Variants in PTPRN2 observed in about 807,000 individuals in gnomAD.
PTPRN2 encodes the protein receptor-type tyrosine-protein phosphatase N2.
Under a neutral mutation model 118.8 loss-of-function variants are expected in PTPRN2, and 74 were observed. That is an observed-to-expected ratio of 0.62 (90% CI 0.52 to 0.76). The LOEUF (loss-of-function observed/expected upper bound fraction) is 0.76, where lower values mean the gene tolerates loss of function less well. Among genes scored for constraint, PTPRN2 ranks in the 30% least tolerant of loss-of-function variants. The pLI, the probability that PTPRN2 is intolerant of heterozygous loss-of-function variation, is 0.00. For synonymous variants in PTPRN2, 641 were observed against 608.0 expected (o/e 1.05, Z -0.80); for missense variants, 1,481 against 1,394.4 (o/e 1.06, Z -0.99).
chr7:158,074,955 G>A (rs909480982), intron 11 of PTPRN2, among the ~76,000 whole-genome samples: 3 of 152,202 alleles, frequency 2.0e-5, no homozygotes, highest in Non-Finnish European at 2.9e-5. Flanking sequence ...CAGTATCCCC[G>A]AGTGTCCCCC....
intron 13 of PTPRN2, among the ~76,000 whole-genome samples, chr7:157,661,059 C>T (rs1180608492): frequency 2.0e-5 from 3 of 152,194 alleles, no homozygotes; most frequent in Non-Finnish European, 4.4e-5. Flanking sequence ...GGGCCAAAGT[C>T]GCAGAATTTA....
At chr7:158,473,405 C>T (rs1017662972) in intron 2 of PTPRN2, among the ~76,000 whole-genome samples, 11 of 152,234 alleles carry the variant, frequency 7.2e-5, no homozygotes, top group East Asian at 1.9e-4. Context: ...GCTACATCCA[C>T]GCCCAGGACA....
intron 13 of PTPRN2, among the ~76,000 whole-genome samples, chr7:157,681,792 C>T (rs1665915867): frequency 6.6e-6 from 1 of 152,166 alleles, no homozygotes; most frequent in Non-Finnish European, 1.5e-5. Context: ...TTACATACGA[C>T]TGTAAAAATG....
chr7:158,120,248 T>A (rs1214148023), intron 9 of PTPRN2, among the ~76,000 whole-genome samples: 1 of 152,132 alleles, frequency 6.6e-6, no homozygotes, highest in Non-Finnish European at 1.5e-5. Context: ...TGAAAAGAGC[T>A]CTGGGGATGG....
chr7:157,998,833 A>C (rs965426704), intron 11 of PTPRN2, among the ~76,000 whole-genome samples: 14 of 151,920 alleles, frequency 9.2e-5, no homozygotes, highest in African/African-American at 3.1e-4. Flanking sequence ...AAAAAAAAAA[A>C]AAAACTCTAC....
intron 21 of PTPRN2, among the ~76,000 whole-genome samples, chr7:157,558,771 C>A (rs1212248964): frequency 6.6e-6 from 1 of 152,228 alleles, no homozygotes; most frequent in Non-Finnish European, 1.5e-5. Context: ...ACAGCCCAGG[C>A]TCTCCTCCCC....
intron 3 of PTPRN2, among the ~76,000 whole-genome samples, chr7:158,232,911 T>C (rs1167805557): frequency 6.6e-6 from 1 of 152,166 alleles, no homozygotes; most frequent in Non-Finnish European, 1.5e-5. Context: ...AAAATGGGTA[T>C]AGAAAGAACA....
intron 1 of PTPRN2, among the ~76,000 whole-genome samples, chr7:158,572,907 G>C (rs769824870): frequency 6.6e-6 from 1 of 152,332 alleles, no homozygotes; most frequent in Middle Eastern, 3.4e-3. Context: ...AAGCTTGCAA[G>C]TATGAGTTTA....
chr7:158,474,137 T>A (rs1283510124), intron 2 of PTPRN2, among the ~76,000 whole-genome samples: 4 of 152,198 alleles, frequency 2.6e-5, no homozygotes, highest in Non-Finnish European at 4.4e-5. Flanking sequence ...GCGGCCCCAC[T>A]GTGTCCCCTC....
intron 3 of PTPRN2, among the ~76,000 whole-genome samples, chr7:158,297,088 G>T (rs1563101217): frequency 6.6e-6 from 1 of 152,206 alleles, no homozygotes; most frequent in Non-Finnish European, 1.5e-5. Flanking sequence ...TTCTGAAGCG[G>T]TAACGGTGAA....
At chr7:158,402,952 C>T (rs1432264434) in intron 2 of PTPRN2, among the ~76,000 whole-genome samples, 5 of 152,306 alleles carry the variant, frequency 3.3e-5, no homozygotes, top group Admixed American at 3.3e-4. Context: ...TTCTCCACAG[C>T]AAAGGGACCC....
intron 16 of PTPRN2, among the ~76,000 whole-genome samples, chr7:157,595,574 AGGAGGTTAG>A (rs1801270876): frequency 3.6e-5 from 4 of 112,166 alleles, no homozygotes; most frequent in African/African-American, 1.7e-4. Context: ...TTAGGAAGCC[AGGAGGTTAG>A]GAAGCCTGGT....
chr7:158,334,544 C>A (rs1241764978), intron 2 of PTPRN2, among the ~76,000 whole-genome samples: 1 of 113,324 alleles, frequency 8.8e-6, no homozygotes, highest in East Asian at 2.8e-4. Context: ...GTCACTCACA[C>A]CCACACTCTC....
intron 2 of PTPRN2, among the ~76,000 whole-genome samples, chr7:158,477,123 C>A (rs1244023498): frequency 6.6e-6 from 1 of 152,188 alleles, no homozygotes. Context: ...CGGAGTGATG[C>A]GGTCTCGTGT....
intron 14 of PTPRN2, among the ~76,000 whole-genome samples, chr7:157,626,945 T>TGACA (rs1803618926): frequency 6.6e-6 from 1 of 152,240 alleles, no homozygotes; most frequent in African/African-American, 2.4e-5. Flanking sequence ...CTGTAACTCA[T>TGACA]GACAGACAGG....
chr7:157,604,131 A>G, intron 15 of PTPRN2, 56 bp from the exon 16 acceptor site: 1 of 1,552,722 alleles, frequency 6.4e-7, no homozygotes, highest in Non-Finnish European at 8.9e-7. Context: ...GCAGTGTGAG[A>G]CCCCCACTTG....
chr7:158,146,282 T>C (rs141460968), intron 6 of PTPRN2, among the ~76,000 whole-genome samples: 2 of 152,110 alleles, frequency 1.3e-5, no homozygotes, highest in South Asian at 2.1e-4. Flanking sequence ...AACCAAAATG[T>C]TAACCTATAT....
intron 3 of PTPRN2, among the ~76,000 whole-genome samples, chr7:158,311,613 T>C (rs1217427410): frequency 6.6e-6 from 1 of 152,204 alleles, no homozygotes; most frequent in Non-Finnish European, 1.5e-5. Flanking sequence ...TTAACTCCCA[T>C]TTACCCTCCT....
At chr7:157,710,825 G>T (rs1220989408) in intron 12 of PTPRN2, among the ~76,000 whole-genome samples, 1 of 138,636 alleles carries the variant, frequency 7.2e-6, no homozygotes, top group Admixed American at 7.1e-5. Flanking sequence ...GGAGGTTCCG[G>T]GGCAGCCGGG....
Sources: allele counts gnomAD v4.1 joint callset (sites outside exome capture counted in the v4.1 genomes callset), GRCh38; gene constraint gnomAD v4.1.1; transcripts MANE v1.5; gene names NCBI Gene and HGNC (gene_info 2026-07-23, HGNC 2026-07-21).